The following FBXL13 variants were observed in gnomAD, a reference collection of about 807,000 sequenced individuals.
The protein encoded by FBXL13 is F-box and leucine rich repeat protein 13, also known as F-box and leucine-rich repeat protein 13.
FBXL13 carries 67 observed loss-of-function variants against 83.6 expected under a neutral mutation model. The ratio of observed to expected loss-of-function variants is 0.80; its 90% CI spans 0.66 to 0.98. FBXL13 has a LOEUF of 0.98. Ranked by LOEUF, FBXL13 falls within the 50% of genes least tolerant of loss-of-function variation. The probability of loss-of-function intolerance (pLI) is 0.00; values close to 1 mark genes in which losing one functional copy is unlikely to be tolerated. For synonymous variants in FBXL13, 272 were observed against 299.5 expected, an observed-to-expected ratio of 0.91 and a Z score of 0.95; for missense variants, 822 against 866.5, an observed-to-expected ratio of 0.95 and a Z score of 0.64.
intron 10 of FBXL13, among the ~76,000 whole-genome samples, chr7:102,920,956 G>T (rs142514439): frequency 6.6e-6 from 1 of 151,456 alleles, no homozygotes; most frequent in Non-Finnish European, 1.5e-5. Context: ...GTTCGAGACC[G>T]GCCTGGCCAA....
intron 2 of FBXL13, among the ~76,000 whole-genome samples, chr7:103,052,980 C>G (rs941347064): frequency 2.0e-5 from 3 of 151,846 alleles, no homozygotes; most frequent in Non-Finnish European, 4.4e-5. Context: ...TGGTCTCAAG[C>G]TCCTGACCTC....
intron 18 of FBXL13, among the ~76,000 whole-genome samples, chr7:102,823,085 CA>C (rs933051595): frequency 2.7e-4 from 41 of 151,920 alleles, no homozygotes; most frequent in Non-Finnish European, 2.6e-4. Context: ...ACCCCCCACA[CA>C]AAAAAAGTTG....
chr7:103,020,269 C>T (rs1269322673), intron 6 of FBXL13, among the ~76,000 whole-genome samples: 1 of 152,194 alleles, frequency 6.6e-6, no homozygotes, highest in Non-Finnish European at 1.5e-5. Context: ...TGACAAAATT[C>T]AACAACCCTT....
chr7:102,929,388 G>A (rs1818715181), intron 9 of FBXL13, among the ~76,000 whole-genome samples: 2 of 152,186 alleles, frequency 1.3e-5, no homozygotes. Flanking sequence ...TCAGCTGGGT[G>A]CGGTGTCTCA....
intron 2 of FBXL13, among the ~76,000 whole-genome samples, chr7:103,033,519 T>A (rs975634714): frequency 2.0e-5 from 3 of 152,224 alleles, no homozygotes; most frequent in African/African-American, 7.2e-5. Flanking sequence ...AGTTTCTTCC[T>A]TCTGGTGGAT....
At chr7:102,885,623 T>TC (rs1810691537) in intron 11 of FBXL13, among the ~76,000 whole-genome samples, 2 of 152,234 alleles carry the variant, frequency 1.3e-5, no homozygotes, top group Non-Finnish European at 2.9e-5. Context: ...TTAAGTTTGA[T>TC]GAAGTTCAGT....
exon 8 of FBXL13, chr7:102,963,634 G>A (rs754807860): frequency 6.9e-6 from 11 of 1,600,882 alleles, no homozygotes; most frequent in East Asian, 2.2e-5. Context: ...ATATTTATCT[G>A]GAATCACATT....
At chr7:103,074,726 G>A, upstream of FBXL13, 1 of 1,289,834 alleles carries the variant, frequency 7.8e-7, no homozygotes, top group South Asian at 1.2e-5. Flanking sequence ...AGTTCTCCTT[G>A]AAGTAGTTCT....
intron 17 of FBXL13, among the ~76,000 whole-genome samples, chr7:102,838,286 A>C (rs1802347499): frequency 6.6e-6 from 1 of 152,208 alleles, no homozygotes; most frequent in Non-Finnish European, 1.5e-5. Context: ...CACCTACTTC[A>C]TAGAGTTGTT....
At chr7:102,866,109 T>C (rs961992286) in intron 16 of FBXL13, among the ~76,000 whole-genome samples, 1 of 152,196 alleles carries the variant, frequency 6.6e-6, no homozygotes, top group African/African-American at 2.4e-5. Flanking sequence ...CACACAGACA[T>C]AGATTCTGTA....
intron 6 of FBXL13, among the ~76,000 whole-genome samples, chr7:102,975,096 C>T (rs986723017): frequency 3.3e-5 from 5 of 152,184 alleles, no homozygotes; most frequent in Admixed American, 6.5e-5. Flanking sequence ...CCTTCTCTCC[C>T]ACCCATACTC....
intron 16 of FBXL13, among the ~76,000 whole-genome samples, chr7:102,876,045 G>C (rs1809201749): frequency 6.6e-6 from 1 of 152,190 alleles, no homozygotes; most frequent in Non-Finnish European, 1.5e-5. Context: ...CAGAGCAAGG[G>C]GAGGGTGAGT....
At chr7:102,897,313 G>A (rs907526796) in intron 11 of FBXL13, among the ~76,000 whole-genome samples, 3 of 151,876 alleles carry the variant, frequency 2.0e-5, no homozygotes, top group African/African-American at 4.8e-5. Flanking sequence ...TGTGCTTAAG[G>A]GATTGAGAGA....
chr7:102,903,939 C>CTT (rs1166655004), intron 11 of FBXL13, among the ~76,000 whole-genome samples: 12 of 43,448 alleles, frequency 2.8e-4, no homozygotes, highest in East Asian at 1.3e-3. Flanking sequence ...CTTTTCTTTT[C>CTT]TTTTTTTTTT....
chr7:103,029,239 T>G, intron 3 of FBXL13, 112 bp downstream of exon 4: 1 of 602,110 alleles, frequency 1.7e-6, no homozygotes, highest in East Asian at 3.4e-5. Flanking sequence ...GGTAGAAACA[T>G]GATTAAACAG....
intron 10 of FBXL13, among the ~76,000 whole-genome samples, chr7:102,923,150 A>C (rs1325955608): frequency 6.6e-6 from 1 of 152,190 alleles, no homozygotes. Context: ...AAATCAAAGA[A>C]TAGTTTTCAA....
intron 8 of FBXL13, among the ~76,000 whole-genome samples, chr7:102,932,757 T>C (rs1819466898): frequency 6.6e-6 from 1 of 151,964 alleles, no homozygotes; most frequent in African/African-American, 2.4e-5. Context: ...TACAGGTGCA[T>C]ACCACCATGC....
At chr7:102,968,201 A>ACG in intron 6 of FBXL13, 84 bp from the exon 8 acceptor site, 2 of 867,932 alleles carry the variant, frequency 2.3e-6, no homozygotes, top group Non-Finnish European at 3.7e-6. Flanking sequence ...GTGTGTGTGC[A>ACG]CACATGTGCG....
intron 9 of FBXL13, among the ~76,000 whole-genome samples, chr7:102,929,939 G>A (rs151109460): frequency 7.9e-5 from 12 of 151,982 alleles, no homozygotes; most frequent in African/African-American, 2.9e-4. Flanking sequence ...GTTTATTAAA[G>A]GTCAATAAAC....
Sources: allele counts gnomAD v4.1 joint callset (sites outside exome capture counted in the v4.1 genomes callset), GRCh38; gene constraint gnomAD v4.1.1; transcripts MANE v1.5; gene names NCBI Gene and HGNC (gene_info 2026-07-23, HGNC 2026-07-21).